Variants in KDM4C observed in about 807,000 individuals in gnomAD.
KDM4C encodes the protein lysine demethylase 4C.
KDM4C carries 81 observed loss-of-function variants against 129.3 expected under a neutral mutation model. The observed-to-expected ratio is 0.63, with a 90% CI of 0.52 to 0.75. The LOEUF is 0.75. Ranked by LOEUF, KDM4C falls within the 30% of genes least tolerant of loss-of-function variation. The probability of loss-of-function intolerance (pLI) is 0.00; values close to 1 mark genes in which losing one functional copy is unlikely to be tolerated. For missense variants in KDM4C, 1,457 were observed against 1,304.0 expected, an observed-to-expected ratio of 1.12 and a Z score of -1.81; for synonymous variants, 573 against 456.1, an observed-to-expected ratio of 1.26 and a Z score of -3.26.
chr9:7,142,048 G>C (rs1841798101), intron 19 of KDM4C, among the ~76,000 whole-genome samples: 1 of 152,114 alleles, frequency 6.6e-6, no homozygotes, highest in Non-Finnish European at 1.5e-5. Flanking sequence ...CTTCCATCTT[G>C]ACACACGAAC....
intron 1 of KDM4C, among the ~76,000 whole-genome samples, chr9:6,775,141 C>T (rs930447038): frequency 2.6e-5 from 4 of 152,014 alleles, no homozygotes; most frequent in East Asian, 3.9e-4. Context: ...CTCAGCCTCC[C>T]GAGTAGCTGG....
intron 8 of KDM4C, among the ~76,000 whole-genome samples, chr9:6,899,187 T>A (rs889391393): frequency 6.6e-6 from 1 of 152,092 alleles, no homozygotes; most frequent in African/African-American, 2.4e-5. Flanking sequence ...AGAGCATCTA[T>A]AGGTTCACAG....
chr9:6,757,914 T>C, upstream of KDM4C: 1 of 985,396 alleles, frequency 1.0e-6, no homozygotes, highest in Non-Finnish European at 1.2e-6. Context: ...TAAGCCCACG[T>C]GACTCACCAA....
intron 8 of KDM4C, among the ~76,000 whole-genome samples, chr9:6,919,818 A>G (rs1014616132): frequency 1.3e-5 from 2 of 152,042 alleles, no homozygotes; most frequent in Admixed American, 6.6e-5. Flanking sequence ...CAGGTGATCC[A>G]CCTGCCTTGG....
At chr9:6,840,550 C>A (rs1836729149) in intron 4 of KDM4C, among the ~76,000 whole-genome samples, 1 of 152,118 alleles carries the variant, frequency 6.6e-6, no homozygotes, top group Non-Finnish European at 1.5e-5. Context: ...GCGTCTGCCA[C>A]CACGCCTGGC....
At chr9:6,919,222 CCTT>C (rs377027703) in intron 8 of KDM4C, among the ~76,000 whole-genome samples, 41 of 107,520 alleles carry the variant, frequency 3.8e-4, no homozygotes, top group African/African-American at 7.2e-4. Flanking sequence ...TTTTCTTTTT[CCTT>C]CTTTCTTTCT....
intron 4 of KDM4C, among the ~76,000 whole-genome samples, chr9:6,818,048 A>T (rs1277443738): frequency 5.3e-5 from 8 of 152,156 alleles, no homozygotes; most frequent in African/African-American, 1.9e-4. Flanking sequence ...TACAGGTGTG[A>T]GCCACCGCAC....
At chr9:7,029,973 C>G (rs564220578) in intron 15 of KDM4C, among the ~76,000 whole-genome samples, 7 of 152,062 alleles carry the variant, frequency 4.6e-5, no homozygotes, top group African/African-American at 1.7e-4. Flanking sequence ...TTTTTTGTTA[C>G]CTTAAAGAAT....
intron 4 of KDM4C, 106 bp from the exon 5 acceptor site, chr9:6,849,401 A>G: frequency 1.1e-6 from 1 of 882,150 alleles, no homozygotes; most frequent in Non-Finnish European, 1.7e-6. Flanking sequence ...GTTAGTTAGA[A>G]TATACAATGT....
chr9:6,923,127 G>C (rs904106040), intron 8 of KDM4C, among the ~76,000 whole-genome samples: 1 of 151,898 alleles, frequency 6.6e-6, no homozygotes, highest in East Asian at 1.9e-4. Context: ...TACTCTTTAC[G>C]GGTTTGTAAA....
At chr9:6,834,975 C>A in intron 4 of KDM4C, 1 of 990,464 alleles carries the variant, frequency 1.0e-6, no homozygotes, top group Non-Finnish European at 1.6e-6. Flanking sequence ...CTCCCCCACA[C>A]CATCCTGCAT....
chr9:6,957,580 A>G (rs1829292256), intron 8 of KDM4C, among the ~76,000 whole-genome samples: 1 of 152,022 alleles, frequency 6.6e-6, no homozygotes, highest in Non-Finnish European at 1.5e-5. Flanking sequence ...GTAGGTCACC[A>G]CCACCACCAT....
At chr9:6,771,080 CTTTTTTTTTTTTTTTTT>C (rs35945405) in intron 1 of KDM4C, among the ~76,000 whole-genome samples, 1 of 56,952 alleles carries the variant, frequency 1.8e-5, no homozygotes, top group Admixed American at 2.4e-4. Context: ...GACTGTGAAT[CTTTTTTTTTTTTTTTTT>C]TTTTTTTTTT....
intron 18 of KDM4C, among the ~76,000 whole-genome samples, chr9:7,127,337 T>A (rs1319097541): frequency 6.6e-6 from 1 of 152,218 alleles, no homozygotes; most frequent in East Asian, 1.9e-4. Flanking sequence ...TTGATCAGGA[T>A]CAAAATTAAC....
intron 19 of KDM4C, among the ~76,000 whole-genome samples, chr9:7,157,480 G>T (rs1277625465): frequency 6.6e-6 from 1 of 152,106 alleles, no homozygotes; most frequent in Non-Finnish European, 1.5e-5. Flanking sequence ...TTATGATATT[G>T]GCTGTGGGTT....
chr9:6,762,205 C>G (rs1819688777), intron 1 of KDM4C, among the ~76,000 whole-genome samples: 2 of 152,100 alleles, frequency 1.3e-5, no homozygotes, highest in South Asian at 2.1e-4. Flanking sequence ...CTGATCAACT[C>G]GTTGTTTACA....
rs1845292316 is a variant in KDM4C at position 7,174,735 on chromosome 9, A to G, written c.*6A>G. On this transcript the variant is annotated 3_prime_UTR_variant, in exon 22 of 22. Transcript: ENST00000381309. ...AGTGCCAGAAGAGACAGTAGTCTGCATACATCGCTGCAGGCCACAGAGCAG... is the reference window on the plus strand; with the variant it reads ...AGTGCCAGAAGAGACAGTAGTCTGCGTACATCGCTGCAGGCCACAGAGCAG... The G allele has an allele frequency of 6.2e-7, 1 of 1,612,784 alleles. No individual in the cohort carries two copies. Among genetic ancestry groups the G allele is most frequent in the South Asian group, 1.1e-5 (1 of 91,050 alleles).
chr9:6,765,200 A>C (rs1289651833), intron 1 of KDM4C, among the ~76,000 whole-genome samples: 3 of 151,922 alleles, frequency 2.0e-5, no homozygotes, highest in African/African-American at 7.3e-5. Context: ...CCCAAGCTCC[A>C]CCCATGTCTT....
chr9:6,882,334 G>A (rs540572717), intron 6 of KDM4C, among the ~76,000 whole-genome samples: 2 of 152,246 alleles, frequency 1.3e-5, no homozygotes, highest in East Asian at 3.9e-4. Context: ...ATGACAGTTT[G>A]GAAGATTTTC....
Sources: allele counts gnomAD v4.1 joint callset (sites outside exome capture counted in the v4.1 genomes callset), GRCh38; gene constraint gnomAD v4.1.1; transcripts MANE v1.5; gene names NCBI Gene and HGNC (gene_info 2026-07-23, HGNC 2026-07-21).